The following CARHSP1 variants were observed in gnomAD, a reference collection of about 807,000 sequenced individuals.
CARHSP1 encodes calcium-regulated heat-stable protein 1.
CARHSP1 carries 14 observed loss-of-function variants against 12.5 expected under a neutral mutation model. The observed-to-expected ratio is 1.12, with a 90% confidence interval of 0.74 to 1.75. The LOEUF (loss-of-function observed/expected upper bound fraction) is 1.75. CARHSP1 is among the 40% of genes most tolerant of loss of function. The pLI is 0.00. For missense variants in CARHSP1, 343 were observed against 201.6 expected, an observed-to-expected ratio of 1.70 and a Z score of -4.25; for synonymous variants, 161 against 82.0, an observed-to-expected ratio of 1.96 and a Z score of -5.20.
intron 1 of CARHSP1, among the ~76,000 whole-genome samples, chr16:8,865,140 CCT>C (rs1491213972): frequency 1.3e-5 from 2 of 152,142 alleles, no homozygotes; most frequent in African/African-American, 4.8e-5. Flanking sequence ...ACAGAATCTC[CCT>C]CTGTTGCCCA....
chr16:8,859,365 G>C (rs556957445), intron 1 of CARHSP1, 30 bp from the exon 2 acceptor site: 25 of 1,581,324 alleles, frequency 1.6e-5, no homozygotes, highest in African/African-American at 9.5e-5. Flanking sequence ...TCAGGGGCTC[G>C]TGCCTTGCAA....
chr16:8,855,114 C>T lies in CARHSP1; in HGVS notation c.*50G>A. On this transcript the variant is annotated 3_prime_UTR_variant, in exon 4 of 4. Coordinates refer to ENST00000311052, the MANE Select transcript of CARHSP1 (RefSeq NM_014316.4). ...TCATCTCCAGTGTCTGCTGCCTCCT[C>T]CCTGCAAAGTCTCCCACAAGCACAG... 6.9e-7 allele frequency: 1 copy of T among 1,446,294 alleles called. No homozygotes were observed. The highest frequency in any genetic ancestry group is 9.2e-7 in the Non-Finnish European group (1 of 1,082,586). 89.6% of individuals were successfully genotyped at this position (1,446,294 alleles called of 1,614,324 possible). A position where few individuals can be genotyped will look rare whatever the true frequency, so the allele number is the denominator to read the frequency against.
At chr16:8,867,994 G>A (rs774280490) in intron 1 of CARHSP1, 2 of 152,322 alleles carry the variant, frequency 1.3e-5, no homozygotes, top group African/African-American at 2.4e-5. Context: ...AAGCAAGACT[G>A]GGCACAGAGA....
chr16:8,857,291 T>G (rs1194719255), intron 3 of CARHSP1, among the ~76,000 whole-genome samples: 3 of 93,272 alleles, frequency 3.2e-5, no homozygotes, highest in African/African-American at 3.5e-5. Context: ...TTTTTTTTTT[T>G]TTTTTTTTGA....
In CARHSP1 at chr16:8,856,120, C is replaced by A. The variant is rs573780571; in HGVS notation, c.282-794G>T. Among the ~76,000 whole-genome samples the A allele has an allele frequency of 4.6e-5, 7 of 152,312 alleles. No individual in the cohort carries two copies. The South Asian group carries it at 1.4e-3, about 32-fold the overall frequency. ...CACCACGCCTGGACTCCCGGTGAGCCTTCAAGAAGGTCCCTTTGGTGCATG... is the reference window on the plus strand; with the variant it reads ...CACCACGCCTGGACTCCCGGTGAGCATTCAAGAAGGTCCCTTTGGTGCATG... On this transcript the variant is annotated intron_variant, in intron 3 of 3. Transcript: ENST00000311052.
intron 1 of CARHSP1, chr16:8,861,769 C>T (rs1180542255): frequency 3.9e-6 from 5 of 1,277,474 alleles, no homozygotes; most frequent in Non-Finnish European, 5.1e-6. Flanking sequence ...GGGGCCAGGG[C>T]CCCCGCATGA....
At chr16:8,866,702 G>C (rs960070237) in intron 1 of CARHSP1, among the ~76,000 whole-genome samples, 4 of 151,670 alleles carry the variant, frequency 2.6e-5, no homozygotes, top group African/African-American at 9.7e-5. Context: ...AGAGAGAGGA[G>C]GGGGAGGGAC....
intron 1 of CARHSP1, among the ~76,000 whole-genome samples, chr16:8,862,362 G>C (rs1430386788): frequency 6.6e-6 from 1 of 152,140 alleles, no homozygotes; most frequent in African/African-American, 2.4e-5. Context: ...CCCAGGTCCA[G>C]TGAGCAGTAA....
At chr16:8,866,203 C>G (rs997094880) in intron 1 of CARHSP1, among the ~76,000 whole-genome samples, 8 of 152,194 alleles carry the variant, frequency 5.3e-5, no homozygotes, top group Non-Finnish European at 1.2e-4. Context: ...ATTCTCCCAC[C>G]CCGGCCTCCC....
chr16:8,864,758 C>A (rs531591574), intron 1 of CARHSP1, among the ~76,000 whole-genome samples: 11 of 152,318 alleles, frequency 7.2e-5, no homozygotes, highest in African/African-American at 2.6e-4. Context: ...CACGCCCACC[C>A]TGACTGCCCC....
rs2061007053 is a variant in CARHSP1, at chr16:8,853,641, G to C, written c.*1523C>G. 6.6e-6 allele frequency: 1 copy of C among 152,148 alleles called. No individual in the cohort carries two copies. The highest frequency in any genetic ancestry group is 2.1e-4 in the South Asian group (1 of 4,832). 9.4% of individuals were successfully genotyped at this position (152,148 alleles called of 1,614,324 possible). On this transcript the variant is annotated 3_prime_UTR_variant, in exon 4 of 4. Coordinates refer to ENST00000311052, the MANE Select transcript of CARHSP1 (RefSeq NM_014316.4). ...CCAAAAGCCAGTTTCCAAAAGGTTT[G>C]CTTGCCTCTGTTCAGTGGATTCTTG...
chr16:8,861,690 G>T (rs1481699961), intron 1 of CARHSP1: 1 of 1,289,058 alleles, frequency 7.8e-7, no homozygotes, highest in East Asian at 5.6e-5. Context: ...CTCAGCTACA[G>T]CCGCGGCCAA....
Position 8,866,666 on chromosome 16 carries a change from CG to C in CARHSP1, c.-8+2299del, listed in dbSNP as rs544753783. Reference sequence around the variant, plus strand: ...TTCCCCTCCATTGTTCCGGGGAGAGCGGGGGGTCTGGCGAGGGAGGAGCAGA... The same window carrying C: ...TTCCCCTCCATTGTTCCGGGGAGAGCGGGGGTCTGGCGAGGGAGGAGCAGA... On this transcript the variant is annotated intron_variant, in intron 1 of 3. Transcript: ENST00000311052. 1.1e-3 allele frequency among the ~76,000 whole-genome samples: 117 copies of C among 107,254 alleles called. 1 individual carries two copies. In the South Asian group the frequency reaches 0.027, roughly 25 times the overall value. 70.4% of individuals were successfully genotyped at this position (107,254 alleles called of 152,430 possible).
At chr16:8,860,496 T>G (rs575983290) in intron 1 of CARHSP1, 1 of 985,416 alleles carries the variant, frequency 1.0e-6, no homozygotes, top group South Asian at 4.7e-5. Flanking sequence ...AGCTCGAGGT[T>G]CAGGGGAAAG....
intron 1 of CARHSP1, among the ~76,000 whole-genome samples, chr16:8,864,729 G>A (rs531744734): frequency 5.4e-4 from 82 of 152,304 alleles, no homozygotes; most frequent in Non-Finnish European, 1.0e-3. Context: ...GGGAGCCCAG[G>A]GTGGTGGGGG....
At chr16:8,868,395 A>G (rs2437707) in intron 1 of CARHSP1, 151,135 of 152,058 alleles carry the variant, frequency 0.99, 75,114 homozygotes, top group Middle Eastern at 1. Flanking sequence ...CCAGCGCCTA[A>G]GGCACCCCCA....
rs77724924 is a variant in CARHSP1 at position 8,857,269 on chromosome 16, T to G, written c.281+1081A>C. 1.4e-3 allele frequency among the ~76,000 whole-genome samples: 43 copies of G among 29,946 alleles called. 1 individual carries two copies. In the East Asian group the frequency reaches 0.037, roughly 26 times the overall value. The allele number at this position is 29,946 out of a possible 152,430, so 19.6% of individuals were successfully genotyped here. A position where few individuals can be genotyped will look rare whatever the true frequency, so the allele number is the denominator to read the frequency against. ...TGTGATCTTGGGCAGATCTGTTTTT[T>G]TTTTTTTTTTTTTTTTTTTTTTTTT... is the stretch of plus-strand genomic sequence containing the variant. On this transcript the variant is annotated intron_variant, in intron 3 of 3. Transcript: ENST00000311052.
chr16:8,863,882 C>T (rs1273084267), intron 1 of CARHSP1, among the ~76,000 whole-genome samples: 1 of 152,166 alleles, frequency 6.6e-6, no homozygotes, highest in Non-Finnish European at 1.5e-5. Context: ...CAGCCCCGCC[C>T]ACCAGCACAG....
intron 1 of CARHSP1, chr16:8,868,131 G>C (rs2061479068): frequency 6.5e-6 from 1 of 152,784 alleles, no homozygotes. Context: ...CCAGTCTGCA[G>C]ATGGGGAAAC....
Sources: gnomAD v4.1 joint callset for allele counts (sites outside exome capture counted in the v4.1 genomes callset) on GRCh38, gnomAD v4.1.1 for gene constraint, MANE v1.5 for transcripts, NCBI Gene and HGNC (gene_info 2026-07-23, HGNC 2026-07-21) for gene names.